ERBB4: variants seen among roughly 807,000 people sequenced by gnomAD.
The protein encoded by ERBB4 is erb-b2 receptor tyrosine kinase 4, also known as receptor tyrosine-protein kinase erbB-4.
In ERBB4, 42 loss-of-function variants were observed where a neutral mutation model predicts 158.0. The ratio of observed to expected loss-of-function variants is 0.27; its 90% confidence interval spans 0.21 to 0.34. The LOEUF is 0.34. ERBB4 is among the 10% of genes least tolerant of loss of function. The pLI is 1.00. For synonymous variants in ERBB4, 583 were observed against 558.7 expected (o/e 1.04, Z -0.61); for missense variants, 1,333 against 1,624.1 (o/e 0.82, Z 3.08).
intron 1 of ERBB4, among the ~76,000 whole-genome samples, chr2:212,152,421 T>A (rs2080900827): frequency 1.3e-5 from 2 of 152,192 alleles, no homozygotes; most frequent in African/African-American, 4.8e-5. Context: ...CAGAATGTAT[T>A]ATTTTCTGCT....
At chr2:212,165,807 T>G (rs1361337566) in intron 1 of ERBB4, among the ~76,000 whole-genome samples, 1 of 152,082 alleles carries the variant, frequency 6.6e-6, no homozygotes, top group African/African-American at 2.4e-5. Flanking sequence ...GGGTTAAACT[T>G]CTGTAGTTGG....
intron 1 of ERBB4, among the ~76,000 whole-genome samples, chr2:212,307,658 G>A (rs1211212211): frequency 1.3e-5 from 2 of 150,952 alleles, no homozygotes; most frequent in Admixed American, 6.6e-5. Context: ...TTTCTAGGAC[G>A]GGTCCTTTCA....
intron 3 of ERBB4, among the ~76,000 whole-genome samples, chr2:211,869,863 C>T (rs1184845810): frequency 6.6e-6 from 1 of 152,086 alleles, no homozygotes; most frequent in African/African-American, 2.4e-5. Flanking sequence ...CTGAAAATAG[C>T]ACCACAAAAA....
intron 20 of ERBB4, among the ~76,000 whole-genome samples, chr2:211,444,943 G>A (rs1169959241): frequency 6.6e-6 from 1 of 151,998 alleles, no homozygotes; most frequent in Non-Finnish European, 1.5e-5. Flanking sequence ...GATATTGAAT[G>A]AAAATTAAAT....
intron 3 of ERBB4, among the ~76,000 whole-genome samples, chr2:211,900,480 G>T (rs1480671895): frequency 6.7e-6 from 1 of 149,452 alleles, no homozygotes; most frequent in Non-Finnish European, 1.5e-5. Context: ...TACAAACCTA[G>T]AAAAAAAAAG....
intron 4 of ERBB4, among the ~76,000 whole-genome samples, chr2:211,780,535 T>G (rs921609011): frequency 6.6e-6 from 1 of 151,562 alleles, no homozygotes; most frequent in Non-Finnish European, 1.5e-5. Context: ...ATTCCTAGAG[T>G]GAGTTTCAGT....
chr2:211,729,158 T>C (rs1212709881), intron 5 of ERBB4, among the ~76,000 whole-genome samples: 1 of 151,840 alleles, frequency 6.6e-6, no homozygotes, highest in Non-Finnish European at 1.5e-5. Flanking sequence ...TATTCAAATA[T>C]TTAATATTTT....
chr2:212,138,516 G>A (rs1040256647), intron 1 of ERBB4, among the ~76,000 whole-genome samples: 1 of 152,080 alleles, frequency 6.6e-6, no homozygotes, highest in African/African-American at 2.4e-5. Context: ...CCTTCAGACA[G>A]TCTCTACCAA....
intron 2 of ERBB4, among the ~76,000 whole-genome samples, chr2:211,975,796 A>G (rs980385897): frequency 3.9e-5 from 6 of 152,166 alleles, no homozygotes; most frequent in Non-Finnish European, 7.4e-5. Context: ...TGAATTTATT[A>G]TCAGTACACA....
intron 3 of ERBB4, among the ~76,000 whole-genome samples, chr2:211,832,794 A>G (rs2077252699): frequency 6.6e-6 from 1 of 150,576 alleles, no homozygotes; most frequent in African/African-American, 2.4e-5. Flanking sequence ...CCCTGTCTAT[A>G]CGCATTGATA....
intron 15 of ERBB4, among the ~76,000 whole-genome samples, chr2:211,660,307 G>C (rs1445752458): frequency 6.6e-6 from 1 of 152,162 alleles, no homozygotes; most frequent in Non-Finnish European, 1.5e-5. Context: ...GACTATTTTA[G>C]TCCACGTAAG....
intron 2 of ERBB4, among the ~76,000 whole-genome samples, chr2:212,034,835 T>C (rs941136243): frequency 3.3e-5 from 5 of 152,166 alleles, no homozygotes; most frequent in Non-Finnish European, 7.4e-5. Context: ...AAGAAATATA[T>C]GTGAGACTGG....
chr2:212,290,784 A>T (rs1018931137), intron 1 of ERBB4, among the ~76,000 whole-genome samples: 1 of 152,144 alleles, frequency 6.6e-6, no homozygotes, highest in Non-Finnish European at 1.5e-5. Flanking sequence ...CAATGTAAAA[A>T]AACAAATAAC....
At chr2:211,974,934 A>T (rs896755764) in intron 2 of ERBB4, among the ~76,000 whole-genome samples, 2 of 152,182 alleles carry the variant, frequency 1.3e-5, no homozygotes, top group Non-Finnish European at 2.9e-5. Context: ...TTTAATTTTT[A>T]AAAAATATTC....
chr2:211,558,137 A>C (rs1436652581), intron 20 of ERBB4, among the ~76,000 whole-genome samples: 1 of 152,118 alleles, frequency 6.6e-6, no homozygotes, highest in East Asian at 1.9e-4. Context: ...AAACAATGCA[A>C]ATTTATTCTC....
chr2:212,370,438 A>C (rs1280045002), intron 1 of ERBB4, among the ~76,000 whole-genome samples: 1 of 152,196 alleles, frequency 6.6e-6, no homozygotes, highest in East Asian at 1.9e-4. Flanking sequence ...CCAGCCAAAA[A>C]TCTAATTACA....
intron 20 of ERBB4, among the ~76,000 whole-genome samples, chr2:211,516,858 T>C (rs987171962): frequency 2.0e-5 from 3 of 151,032 alleles, no homozygotes; most frequent in Non-Finnish European, 4.4e-5. Context: ...ACTCTGATCA[T>C]TGATTGTTTT....
At chr2:211,749,545 T>C (rs1271208002) in intron 5 of ERBB4, among the ~76,000 whole-genome samples, 1 of 152,224 alleles carries the variant, frequency 6.6e-6, no homozygotes, top group Non-Finnish European at 1.5e-5. Context: ...TTATAATCTT[T>C]TCCATTTCAT....
At chr2:212,264,216 A>C (rs2085048714) in intron 1 of ERBB4, among the ~76,000 whole-genome samples, 1 of 152,130 alleles carries the variant, frequency 6.6e-6, no homozygotes, top group South Asian at 2.1e-4. Flanking sequence ...AATTAAACCC[A>C]TACCCAATGT....
Sources: gnomAD v4.1 joint callset for allele counts (sites outside exome capture counted in the v4.1 genomes callset) on GRCh38, gnomAD v4.1.1 for gene constraint, MANE v1.5 for transcripts, NCBI Gene and HGNC (gene_info 2026-07-23, HGNC 2026-07-21) for gene names.